ZEB1: variants seen among roughly 807,000 people sequenced by gnomAD.
The protein encoded by ZEB1 is zinc finger E-box-binding homeobox 1.
A neutral mutation model predicts 84.9 loss-of-function variants in ZEB1; 21 were observed. The ratio of observed to expected loss-of-function variants is 0.25; its 90% CI spans 0.18 to 0.36. ZEB1 has a LOEUF of 0.36. Ranked by LOEUF, ZEB1 falls within the 10% of genes least tolerant of loss-of-function variation. The pLI is 1.00. For synonymous variants in ZEB1, 420 were observed against 471.1 expected (o/e 0.89, Z 1.41); for missense variants, 1,104 against 1,330.2 (o/e 0.83, Z 2.65).
At chr10:31,452,006 T>A (rs2060618912) in intron 1 of ZEB1, among the ~76,000 whole-genome samples, 1 of 152,156 alleles carries the variant, frequency 6.6e-6, no homozygotes, top group Non-Finnish European at 1.5e-5. Context: ...ATAGCATGTA[T>A]CTGAAGATAT....
chr10:31,442,754 G>C (rs2059188480), intron 1 of ZEB1, among the ~76,000 whole-genome samples: 1 of 152,142 alleles, frequency 6.6e-6, no homozygotes, highest in Non-Finnish European at 1.5e-5. Flanking sequence ...AGAGTCAAGA[G>C]AAGAGATTGT....
chr10:31,411,638 C>CAAAA (rs11440732), intron 1 of ZEB1, among the ~76,000 whole-genome samples: 4 of 98,036 alleles, frequency 4.1e-5, no homozygotes, highest in East Asian at 6.2e-4. Flanking sequence ...GACTCCGTCT[C>CAAAA]AAAAAAAAAA....
chr10:31,380,897 A>G (rs2047510651), intron 1 of ZEB1, among the ~76,000 whole-genome samples: 1 of 152,176 alleles, frequency 6.6e-6, no homozygotes, highest in Non-Finnish European at 1.5e-5. Flanking sequence ...TTATGTAGTC[A>G]ACATATATAC....
At chr10:31,424,259 C>G (rs1031884138) in intron 1 of ZEB1, among the ~76,000 whole-genome samples, 3 of 151,882 alleles carry the variant, frequency 2.0e-5, no homozygotes, top group Admixed American at 6.6e-5. Flanking sequence ...GCAGACTAGT[C>G]TTTTCATCAT....
At chr10:31,467,748 C>A (rs2062621930) in intron 2 of ZEB1, among the ~76,000 whole-genome samples, 1 of 152,174 alleles carries the variant, frequency 6.6e-6, no homozygotes. Flanking sequence ...ACTGTCAGAA[C>A]ACAGGGAAGA....
At chr10:31,354,426 C>T (rs1280796315) in intron 1 of ZEB1, among the ~76,000 whole-genome samples, 1 of 152,086 alleles carries the variant, frequency 6.6e-6, no homozygotes, top group Non-Finnish European at 1.5e-5. Flanking sequence ...TTCATAACAA[C>T]TTTTTAATGT....
intron 1 of ZEB1, among the ~76,000 whole-genome samples, chr10:31,372,527 G>A (rs778409351): frequency 1.3e-5 from 2 of 151,996 alleles, no homozygotes; most frequent in African/African-American, 2.4e-5. Context: ...AGTTGGTAAC[G>A]ATAAATTTTG....
At chr10:31,513,497 A>C (rs940213915) in intron 5 of ZEB1, among the ~76,000 whole-genome samples, 1 of 152,210 alleles carries the variant, frequency 6.6e-6, no homozygotes, top group Admixed American at 6.5e-5. Context: ...GTTTAGAGAT[A>C]CAAATGTGGG....
At chr10:31,468,252 G>A (rs536372398) in intron 2 of ZEB1, among the ~76,000 whole-genome samples, 1 of 152,196 alleles carries the variant, frequency 6.6e-6, no homozygotes, top group Admixed American at 6.5e-5. Flanking sequence ...GGACCACTGA[G>A]AGCTCCACAC....
chr10:31,442,963 G>C (rs1031896927), intron 1 of ZEB1, among the ~76,000 whole-genome samples: 1 of 152,158 alleles, frequency 6.6e-6, no homozygotes, highest in African/African-American at 2.4e-5. Context: ...TTTCCAAAAA[G>C]CTTTGAAGTA....
chr10:31,404,168 A>T (rs557066169), intron 1 of ZEB1, among the ~76,000 whole-genome samples: 3 of 152,112 alleles, frequency 2.0e-5, no homozygotes, highest in African/African-American at 7.2e-5. Flanking sequence ...TGAAGATTAT[A>T]TATCAGTATA....
At chr10:31,358,724 G>T (rs764922018) in intron 1 of ZEB1, 19 of 152,038 alleles carry the variant, frequency 1.2e-4, no homozygotes, top group Non-Finnish European at 2.5e-4. Context: ...TTTCTGTGTA[G>T]AAAATACTAT....
intron 1 of ZEB1, among the ~76,000 whole-genome samples, chr10:31,449,995 T>G (rs1227787868): frequency 6.6e-6 from 1 of 152,200 alleles, no homozygotes; most frequent in Non-Finnish European, 1.5e-5. Flanking sequence ...TAGTAAGCAG[T>G]GAAGCTGTGA....
intron 1 of ZEB1, among the ~76,000 whole-genome samples, chr10:31,439,097 T>A (rs1019547492): frequency 6.6e-6 from 1 of 152,180 alleles, no homozygotes; most frequent in Non-Finnish European, 1.5e-5. Flanking sequence ...CTTTGGTACC[T>A]GATTTCCTCA....
intron 1 of ZEB1, among the ~76,000 whole-genome samples, chr10:31,366,067 T>A (rs1183521219): frequency 2.6e-5 from 4 of 152,186 alleles, no homozygotes; most frequent in Admixed American, 6.5e-5. Flanking sequence ...GAGAATAATG[T>A]TTGCACTTTC....
Position 31,363,603 on chromosome 10 carries a change from C to T in ZEB1, c.58+44311C>T, listed in dbSNP as rs1286414798. 8.2e-5 allele frequency: 124 copies of T among 1,517,018 alleles called. 1 individual carries two copies. The highest frequency in any genetic ancestry group is 1.1e-4 in the Non-Finnish European group (119 of 1,129,638). The allele number at this position is 1,517,018 out of a possible 1,614,324, so 94.0% of individuals were successfully genotyped here. A position where few individuals can be genotyped will look rare whatever the true frequency, so the allele number is the denominator to read the frequency against. On this transcript the variant is annotated intron_variant, in intron 1 of 8. Transcript: ENST00000424869. ...CTTTGGGCTCTTCTGCGCTCACCTC[C>T]GTCTTCGGGAGCCTGGCTGGGATCA...
At chr10:31,506,668 AT>A (rs1358924162) in intron 4 of ZEB1, among the ~76,000 whole-genome samples, 30 of 152,080 alleles carry the variant, frequency 2.0e-4, no homozygotes, top group African/African-American at 7.2e-4. Context: ...GGTGAGATGA[AT>A]TTCTTCTAGG....
chr10:31,524,710 T>G (rs1481574745), intron 8 of ZEB1, among the ~76,000 whole-genome samples: 1 of 152,138 alleles, frequency 6.6e-6, no homozygotes, highest in Non-Finnish European at 1.5e-5. Context: ...TATGCTATAT[T>G]AATAAAAACA....
At chr10:31,510,996 G>T (rs1204647962) in intron 5 of ZEB1, 121 bp downstream of exon 5, 14 of 929,588 alleles carry the variant, frequency 1.5e-5, no homozygotes, top group Non-Finnish European at 2.0e-5. Flanking sequence ...TGCTATATCT[G>T]CAGCCTTATA....
Sources: gnomAD v4.1 joint callset for allele counts (sites outside exome capture counted in the v4.1 genomes callset) on GRCh38, gnomAD v4.1.1 for gene constraint, MANE v1.5 for transcripts, NCBI Gene and HGNC (gene_info 2026-07-23, HGNC 2026-07-21) for gene names.